The following NTRK2 variants were observed in gnomAD, a reference collection of about 807,000 sequenced individuals.
The protein encoded by NTRK2 is BDNF/NT-3 growth factors receptor.
Under a neutral mutation model 94.5 loss-of-function variants are expected in NTRK2, and 13 were observed. The ratio of observed to expected loss-of-function variants is 0.14; its 90% CI spans 0.09 to 0.22. The LOEUF (loss-of-function observed/expected upper bound fraction) is 0.22. Ranked by LOEUF, NTRK2 falls within the 10% of genes least tolerant of loss-of-function variation. The pLI, the probability that NTRK2 is intolerant of heterozygous loss-of-function variation, is 1.00. For missense variants in NTRK2, 639 were observed against 1,071.2 expected (o/e 0.60, Z 5.63); for synonymous variants, 372 against 407.4 (o/e 0.91, Z 1.05).
At chr9:84,885,266 T>C (rs2076377493) in intron 14 of NTRK2, among the ~76,000 whole-genome samples, 1 of 152,214 alleles carries the variant, frequency 6.6e-6, no homozygotes, top group Non-Finnish European at 1.5e-5. Flanking sequence ...TGTTTTCAGA[T>C]GATCCCTTGA....
At chr9:84,968,827 C>G (rs1012227547) in intron 17 of NTRK2, among the ~76,000 whole-genome samples, 15 of 152,166 alleles carry the variant, frequency 9.9e-5, no homozygotes, top group African/African-American at 3.6e-4. Context: ...GGGGACAGAG[C>G]AGAGTCCTGT....
At chr9:84,945,771 C>T (rs1351392998) in intron 15 of NTRK2, among the ~76,000 whole-genome samples, 1 of 152,218 alleles carries the variant, frequency 6.6e-6, no homozygotes, top group Non-Finnish European at 1.5e-5. Context: ...ATGGCAACAG[C>T]CCCATCGAAG....
chr9:84,959,281 T>G (rs80084136), intron 17 of NTRK2, among the ~76,000 whole-genome samples: 2,263 of 152,116 alleles, frequency 0.015, 58 homozygotes, highest in African/African-American at 0.052. Context: ...TGTGTGTGGG[T>G]TTTTTTTGTT....
intron 12 of NTRK2, among the ~76,000 whole-genome samples, chr9:84,797,655 A>AC (rs2069606868): frequency 7.5e-5 from 3 of 40,174 alleles, no homozygotes; most frequent in African/African-American, 5.3e-4. Flanking sequence ...ATAATAATAT[A>AC]TATATTATAT....
chr9:84,703,270 G>A (rs1373843761), intron 4 of NTRK2, among the ~76,000 whole-genome samples: 1 of 152,200 alleles, frequency 6.6e-6, no homozygotes, highest in Non-Finnish European at 1.5e-5. Flanking sequence ...TACCTTACAT[G>A]TCATAGTCTA....
intron 2 of NTRK2, among the ~76,000 whole-genome samples, chr9:84,681,309 C>A (rs72737656): frequency 0.09 from 13,738 of 152,206 alleles, 805 homozygotes; most frequent in African/African-American, 0.16. Flanking sequence ...CCATTATCCA[C>A]TCAGTAATAC....
intron 14 of NTRK2, chr9:84,874,005 C>G (rs1043947589): frequency 2.8e-6 from 3 of 1,063,958 alleles, no homozygotes; most frequent in African/African-American, 3.3e-5. Flanking sequence ...CCAATTTCAC[C>G]AAAGCATCAG....
At chr9:84,809,214 G>T (rs2071464032) in intron 12 of NTRK2, among the ~76,000 whole-genome samples, 1 of 152,022 alleles carries the variant, frequency 6.6e-6, no homozygotes, top group South Asian at 2.1e-4. Context: ...CTGGTGCAAA[G>T]TAGATTCACT....
intron 12 of NTRK2, among the ~76,000 whole-genome samples, chr9:84,830,523 G>GTATGAGCATGCGTGTATGTC: frequency 6.7e-6 from 1 of 149,676 alleles, no homozygotes; most frequent in African/African-American, 2.5e-5. Flanking sequence ...GCGTGTATGT[G>GTATGAGCATGCGTGTATGTC]TATGAGCATG....
chr9:84,754,757 A>G lies in NTRK2; in HGVS notation c.1396+2672A>G, dbSNP rs565551922. ...GAATGTTATTCCTCCCTTCCTAAGC[A>G]TCTTTGGGGAGGGTCTAAGCTCATC... is the stretch of plus-strand genomic sequence containing the variant. On this transcript the variant is annotated intron_variant, in intron 12 of 18. Coordinates refer to ENST00000277120, the MANE Select transcript of NTRK2 (RefSeq NM_006180.6). Among the ~76,000 whole-genome samples the G allele has an allele frequency of 2.0e-5, 3 of 152,262 alleles. No homozygotes were observed. In the East Asian group the frequency reaches 5.8e-4, roughly 29 times the overall value.
chr9:84,816,236 G>A (rs182355889), intron 12 of NTRK2, among the ~76,000 whole-genome samples: 1 of 152,194 alleles, frequency 6.6e-6, no homozygotes, highest in African/African-American at 2.4e-5. Flanking sequence ...CTGTTAGCAT[G>A]GTGCCCACAC....
intron 12 of NTRK2, among the ~76,000 whole-genome samples, chr9:84,847,095 AG>A (rs2074509197): frequency 6.6e-6 from 1 of 152,242 alleles, no homozygotes; most frequent in South Asian, 2.1e-4. Flanking sequence ...TTGCTAAAAT[AG>A]GCTGTCCTCC....
intron 17 of NTRK2, among the ~76,000 whole-genome samples, chr9:85,016,908 C>T (rs1039595139): frequency 6.6e-6 from 1 of 152,144 alleles, no homozygotes; most frequent in Non-Finnish European, 1.5e-5. Context: ...CCCAAAGAGA[C>T]AGCAAGCAGA....
intron 12 of NTRK2, among the ~76,000 whole-genome samples, chr9:84,786,310 A>G (rs1013179650): frequency 6.6e-6 from 1 of 152,174 alleles, no homozygotes; most frequent in African/African-American, 2.4e-5. Context: ...GTAATACCCT[A>G]AACAACCTCA....
At chr9:85,006,879 C>T (rs927434648) in intron 17 of NTRK2, among the ~76,000 whole-genome samples, 11 of 152,192 alleles carry the variant, frequency 7.2e-5, no homozygotes, top group African/African-American at 1.7e-4. Context: ...CCCCTCTGGG[C>T]TCCAAGGGGT....
At chr9:84,873,424 C>T (rs1277809722) in intron 14 of NTRK2, 3 of 1,059,158 alleles carry the variant, frequency 2.8e-6, no homozygotes, top group South Asian at 4.6e-5. Flanking sequence ...GTTGACGACT[C>T]ATCTCGTGGG....
intron 2 of NTRK2, among the ~76,000 whole-genome samples, chr9:84,687,130 T>A (rs2059767798): frequency 6.6e-6 from 1 of 152,124 alleles, no homozygotes; most frequent in Admixed American, 6.5e-5. Context: ...CTCAGGCCGG[T>A]CTTGAACTCC....
Position 84,670,681 on chromosome 9 carries a change from G to T in NTRK2, c.-68G>T, listed in dbSNP as rs995635641. ...CCGCAAGCGCAGGGAAGGCCTCCCC[G>T]CACGGGTGGGGGAAAGCGGCCGGTG... On this transcript the variant is annotated 5_prime_UTR_variant, in exon 2 of 19. Transcript: ENST00000277120. 3.9e-6 allele frequency: 6 copies of T among 1,530,592 alleles called. No individual in the cohort carries two copies. In the African/African-American group the frequency reaches 8.2e-5, roughly 21 times the overall value. The allele number at this position is 1,530,592 out of a possible 1,614,324, so 94.8% of individuals were successfully genotyped here.
chr9:84,957,192 C>G (rs1018550427), intron 17 of NTRK2, among the ~76,000 whole-genome samples: 8 of 152,088 alleles, frequency 5.3e-5, no homozygotes, highest in African/African-American at 1.2e-4. Context: ...GACATGTGGC[C>G]CAGGCAAAGG....
Sources: allele counts gnomAD v4.1 joint callset (sites outside exome capture counted in the v4.1 genomes callset), GRCh38; gene constraint gnomAD v4.1.1; transcripts MANE v1.5; gene names NCBI Gene and HGNC (gene_info 2026-07-23, HGNC 2026-07-21).